PYGB: variants seen among roughly 807,000 people sequenced by gnomAD.
PYGB encodes glycogen phosphorylase B.
PYGB carries 82 observed loss-of-function variants against 94.3 expected under a neutral mutation model. That is an observed-to-expected ratio of 0.87 (90% CI 0.73 to 1.04). The LOEUF (loss-of-function observed/expected upper bound fraction) is 1.04. PYGB is among the 50% of genes least tolerant of loss of function. PYGB has a pLI of 0.00. For synonymous variants in PYGB, 488 were observed against 479.1 expected, an observed-to-expected ratio of 1.02 and a Z score of -0.24; for missense variants, 1,132 against 1,158.2, an observed-to-expected ratio of 0.98 and a Z score of 0.33.
intron 18 of PYGB, chr20:25,294,729 C>T (rs1405139438): frequency 4.8e-6 from 3 of 622,300 alleles, no homozygotes; most frequent in Non-Finnish European, 8.7e-6. Flanking sequence ...AAATGGATTT[C>T]ACTTGCAACG....
chr20:25,261,107 G>C (rs1354244160), intron 2 of PYGB, among the ~76,000 whole-genome samples: 2 of 152,234 alleles, frequency 1.3e-5, no homozygotes, highest in African/African-American at 4.8e-5. Flanking sequence ...ATGTCTCTGT[G>C]TGACATCTTT....
At chr20:25,266,241 T>C (rs1440058987) in intron 2 of PYGB, among the ~76,000 whole-genome samples, 1 of 135,240 alleles carries the variant, frequency 7.4e-6, no homozygotes, top group African/African-American at 2.9e-5. Flanking sequence ...TGGTGTCATA[T>C]AGATCAATTG....
At position 25,297,458 on chromosome 20, in the gene PYGB, T is replaced by A. The variant is rs1338664580; in HGVS notation, c.*936T>A. ...CTGTGTCCTGAGGTGCATTTCCTGT[T>A]GTACACACAAGGGCCAGGCTCCATT... On this transcript the variant is annotated 3_prime_UTR_variant, in exon 20 of 20. Transcript: ENST00000216962. 1 of 152,416 alleles carries A rather than the reference T, an allele frequency of 6.6e-6. No homozygotes were observed. The highest frequency in any genetic ancestry group is 1.5e-5 in the Non-Finnish European group (1 of 68,068). The allele number at this position is 152,416 out of a possible 1,614,324, so 9.4% of individuals were successfully genotyped here.
chr20:25,284,310 G>T, intron 14 of PYGB, 59 bp downstream of exon 14: 2 of 1,577,694 alleles, frequency 1.3e-6, no homozygotes, highest in East Asian at 2.3e-5. Flanking sequence ...GCCCTTGCCC[G>T]CCAGCTGTGC....
At chr20:25,259,978 C>T (rs2092910060) in intron 2 of PYGB, among the ~76,000 whole-genome samples, 2 of 152,148 alleles carry the variant, frequency 1.3e-5, no homozygotes, top group South Asian at 2.1e-4. Context: ...GCCCCTCCAC[C>T]TCAGCGCCCT....
At chr20:25,287,023 G>A (rs1371916331) in intron 14 of PYGB, among the ~76,000 whole-genome samples, 7 of 152,234 alleles carry the variant, frequency 4.6e-5, no homozygotes, top group Admixed American at 1.3e-4. Flanking sequence ...ACATCAGCCC[G>A]ACTCCCTGCT....
chr20:25,294,764 G>A (rs1329702694), intron 18 of PYGB: 13 of 663,170 alleles, frequency 2.0e-5, no homozygotes, highest in Non-Finnish European at 3.0e-5. Flanking sequence ...TGTAGTTAGT[G>A]TTTTATTTCA....
intron 3 of PYGB, among the ~76,000 whole-genome samples, chr20:25,270,221 G>A (rs1186596537): frequency 1.6e-5 from 1 of 61,602 alleles, no homozygotes; most frequent in Non-Finnish European, 3.4e-5. Flanking sequence ...TTTTTTTTTT[G>A]AGATGGAGTC....
At chr20:25,288,111 C>T (rs1334862285) in intron 14 of PYGB, 35 of 482,080 alleles carry the variant, frequency 7.3e-5, no homozygotes, top group Non-Finnish European at 1.3e-4. Context: ...TTCCTCTGAG[C>T]CCCGGGGAAT....
intron 3 of PYGB, among the ~76,000 whole-genome samples, chr20:25,270,170 A>G (rs1480192155): frequency 8.2e-6 from 1 of 121,370 alleles, no homozygotes; most frequent in Non-Finnish European, 1.8e-5. Flanking sequence ...TGTTTTTTTG[A>G]TTTTTTTAAT....
chr20:25,248,288 A>G lies in PYGB; in HGVS notation c.110A>G (p.His37Arg). The change falls in exon 1 of 20, where the codon CAC (histidine) becomes CGC (arginine). Residue 37 changes from histidine (H) to arginine (R), a missense_variant. Transcript: ENST00000216962. ...EVRKSFNRHL[H>R]FTLVKDRNVA... ...CGGAAGAGCTTCAACCGGCACTTGC[A>G]CTTCACGCTGGTCAAGGACCGCAAT... The G allele has an allele frequency of 6.2e-7, 1 of 1,603,876 alleles. No individual in the cohort carries two copies. Among genetic ancestry groups the G allele is most frequent in the South Asian group, 1.1e-5 (1 of 89,476 alleles).
rs191766656 is a variant in PYGB at position 25,296,757 on chromosome 20, G to A, written c.*235G>A. On this transcript the variant is annotated 3_prime_UTR_variant, in exon 20 of 20. Transcript: ENST00000216962. ...GCCAGAGTTGACAGTACAAAGGGTC[G>A]TGGCCAGCCCTGCAGCTTCAGCACC... 4.3e-5 allele frequency: 24 copies of A among 560,452 alleles called. No individual in the cohort carries two copies. The highest frequency in any genetic ancestry group is 3.4e-4 in the African/African-American group (18 of 52,550). The allele number at this position is 560,452 out of a possible 1,614,324, so 34.7% of individuals were successfully genotyped here.
At chr20:25,280,829 T>C in intron 10 of PYGB, 120 bp from the exon 11 acceptor site, 1 of 1,333,922 alleles carries the variant, frequency 7.5e-7, no homozygotes, top group Non-Finnish European at 1.0e-6. Flanking sequence ...GCCCCAGAAC[T>C]TCCCTGGAGG....
chr20:25,292,764 G>A, intron 17 of PYGB, 151 bp downstream of exon 17: 1 of 1,104,434 alleles, frequency 9.1e-7, no homozygotes, highest in Non-Finnish European at 1.3e-6. Context: ...GCCTGCAGGG[G>A]TGACCATTTC....
In PYGB at chr20:25,295,591, T is replaced by C; in HGVS notation, c.2313-13T>C. 6.2e-7 allele frequency: 1 copy of C among 1,612,944 alleles called. No individual in the cohort carries two copies. The highest frequency in any genetic ancestry group is 8.5e-7 in the Non-Finnish European group (1 of 1,179,140). ...CCTGCTGCCCTGGCCCAGCCTCCTT[T>C]CTCCCATTCCAGGTTCAAGGTGTTT... On this transcript the variant is annotated splice_polypyrimidine_tract_variant and intron_variant, in intron 18 of 19. Transcript: ENST00000216962.
chr20:25,253,540 T>A (rs1191473934), intron 1 of PYGB, among the ~76,000 whole-genome samples: 1 of 151,862 alleles, frequency 6.6e-6, no homozygotes, highest in Non-Finnish European at 1.5e-5. Context: ...CAGTCCCAGC[T>A]ATTCGGGAGG....
At chr20:25,279,820 T>C (rs2088349305) in intron 9 of PYGB, among the ~76,000 whole-genome samples, 1 of 152,200 alleles carries the variant, frequency 6.6e-6, no homozygotes, top group South Asian at 2.1e-4. Context: ...GTGTGTGCAC[T>C]CCAGGTGAGG....
chr20:25,296,609 C>T lies in PYGB; in HGVS notation c.*87C>T, dbSNP rs904645439. The T allele has an allele frequency of 6.1e-6, 9 of 1,471,898 alleles. No individual in the cohort carries two copies. Among genetic ancestry groups the T allele is most frequent in the Non-Finnish European group, 8.2e-6 (9 of 1,095,630 alleles). 91.2% of individuals were successfully genotyped at this position (1,471,898 alleles called of 1,614,324 possible). ...TTTTCCCCAAACACTTTGCCAGCCA[C>T]TGGTGGTCCCTGCTTTTCTGAGTAC... On this transcript the variant is annotated 3_prime_UTR_variant, in exon 20 of 20. Transcript: ENST00000216962.
At chr20:25,265,202 G>A (rs907514853) in intron 2 of PYGB, among the ~76,000 whole-genome samples, 7 of 152,196 alleles carry the variant, frequency 4.6e-5, no homozygotes, top group Non-Finnish European at 8.8e-5. Context: ...AATAAATGGT[G>A]CTGGGAAAAC....
Sources: gnomAD v4.1 joint callset for allele counts (sites outside exome capture counted in the v4.1 genomes callset) on GRCh38, gnomAD v4.1.1 for gene constraint, MANE v1.5 for transcripts, NCBI Gene and HGNC (gene_info 2026-07-23, HGNC 2026-07-21) for gene names.